The following NME7 variants were observed in gnomAD, a reference collection of about 807,000 sequenced individuals.
NME7 encodes the protein NME/NM23 family member 7.
NME7 carries 41 observed loss-of-function variants against 49.1 expected under a neutral mutation model. The ratio of observed to expected loss-of-function variants is 0.83; its 90% confidence interval spans 0.65 to 1.08. NME7 has a LOEUF of 1.08. NME7 is among the 50% of genes least tolerant of loss of function. The pLI, the probability that NME7 is intolerant of heterozygous loss-of-function variation, is 0.00. For missense variants in NME7, 423 were observed against 463.4 expected (o/e 0.91, Z 0.80); for synonymous variants, 139 against 150.6 (o/e 0.92, Z 0.56).
chr1:169,351,746 C>A (rs1653181568), intron 1 of NME7, among the ~76,000 whole-genome samples: 1 of 151,810 alleles, frequency 6.6e-6, no homozygotes, highest in African/African-American at 2.4e-5. Flanking sequence ...GGAAACATTA[C>A]AAATGATACT....
chr1:169,233,493 C>T (rs74967728), intron 9 of NME7, among the ~76,000 whole-genome samples: 9,444 of 152,108 alleles, frequency 0.062, 385 homozygotes, highest in East Asian at 0.12. Context: ...GTCATGTAAA[C>T]CATTTTCATG....
intron 10 of NME7, among the ~76,000 whole-genome samples, chr1:169,193,970 T>TAAAAAGA (rs556759127): frequency 6.6e-6 from 1 of 151,478 alleles, no homozygotes; most frequent in Non-Finnish European, 1.5e-5. Context: ...AGAATAGTTT[T>TAAAAAGA]AAAAAGAAAA....
rs61806962 is a variant in NME7 at position 169,321,984 on chromosome 1, T to C, written c.278+1133A>G. 6.3e-3 allele frequency among the ~76,000 whole-genome samples: 960 copies of C among 152,184 alleles called. 5 individuals are homozygous for C. Among genetic ancestry groups the C allele is most frequent in the Non-Finnish European group, 0.011 (731 of 67,992 alleles). On this transcript the variant is annotated intron_variant, in intron 3 of 11. Transcript: ENST00000367811. ...CATACAAAGTATAAGCTACAGAAAT[T>C]AAAGCCAAGAAAGATGACAAAGGAA...
intron 7 of NME7, among the ~76,000 whole-genome samples, chr1:169,257,807 G>A (rs1416685930): frequency 7.5e-6 from 1 of 133,316 alleles, no homozygotes; most frequent in East Asian, 2.0e-4. Context: ...TTTTGTTCTG[G>A]ATACAAAATT....
intron 7 of NME7, among the ~76,000 whole-genome samples, chr1:169,241,004 A>T (rs991404178): frequency 2.6e-5 from 4 of 152,118 alleles, no homozygotes; most frequent in Non-Finnish European, 5.9e-5. Flanking sequence ...TTTGTCTGTC[A>T]GTCATTCTTT....
chr1:169,159,388 C>A lies in NME7; in HGVS notation c.1098+10059G>T, dbSNP rs114413670. On this transcript the variant is annotated intron_variant, in intron 11 of 11. Coordinates refer to ENST00000367811, the MANE Select transcript of NME7 (RefSeq NM_013330.5). ...TACCTTCAGATCTCAAATTATGGGG[C>A]GGAAAAATAAAAGTTCTCATTTTTA... is the stretch of plus-strand genomic sequence containing the variant. 2.0e-5 allele frequency among the ~76,000 whole-genome samples: 3 copies of A among 152,056 alleles called. 1 individual carries two copies. In the South Asian group the frequency reaches 6.3e-4, roughly 32 times the overall value.
At chr1:169,138,784 C>T (rs777523593) in intron 11 of NME7, among the ~76,000 whole-genome samples, 1 of 152,188 alleles carries the variant, frequency 6.6e-6, no homozygotes, top group South Asian at 2.1e-4. Flanking sequence ...CTTGATTCCT[C>T]TGACTGCCAC....
intron 1 of NME7, among the ~76,000 whole-genome samples, chr1:169,362,664 G>A (rs1653702221): frequency 6.6e-6 from 1 of 152,188 alleles, no homozygotes; most frequent in African/African-American, 2.4e-5. Flanking sequence ...TGCTTATTGA[G>A]AGGCCATAAT....
At chr1:169,165,919 G>A (rs905712812) in intron 11 of NME7, among the ~76,000 whole-genome samples, 16 of 152,168 alleles carry the variant, frequency 1.1e-4, no homozygotes, top group African/African-American at 3.9e-4. Context: ...GGAAGCTACT[G>A]ATGCTCTAAC....
intron 11 of NME7, among the ~76,000 whole-genome samples, chr1:169,161,091 C>T (rs1571253754): frequency 6.6e-6 from 1 of 152,172 alleles, no homozygotes; most frequent in Non-Finnish European, 1.5e-5. Flanking sequence ...TATCATTGTG[C>T]TATTCCCCTG....
chr1:169,158,393 A>T (rs1466138771), intron 11 of NME7, among the ~76,000 whole-genome samples: 1 of 152,212 alleles, frequency 6.6e-6, no homozygotes, highest in Non-Finnish European at 1.5e-5. Context: ...AATTTTTGCA[A>T]CCCTGCTCTT....
intron 7 of NME7, among the ~76,000 whole-genome samples, chr1:169,243,482 G>A (rs1190826214): frequency 6.6e-6 from 1 of 152,188 alleles, no homozygotes; most frequent in Non-Finnish European, 1.5e-5. Flanking sequence ...GCTATGGACT[G>A]AATATTTGTG....
At chr1:169,172,495 C>CA (rs1410583816) in intron 10 of NME7, among the ~76,000 whole-genome samples, 26 of 152,168 alleles carry the variant, frequency 1.7e-4, no homozygotes, top group African/African-American at 6.3e-4. Context: ...ATATGGTCTT[C>CA]TGCCATCTTC....
intron 10 of NME7, among the ~76,000 whole-genome samples, chr1:169,210,595 C>A (rs1660783473): frequency 6.6e-6 from 1 of 151,618 alleles, no homozygotes; most frequent in Admixed American, 6.6e-5. Flanking sequence ...TTTAAATACA[C>A]ACACACACAC....
intron 10 of NME7, among the ~76,000 whole-genome samples, chr1:169,228,160 T>A (rs564307083): frequency 1.6e-4 from 24 of 152,118 alleles, no homozygotes; most frequent in Non-Finnish European, 1.5e-5. Context: ...CTTCCTGCCT[T>A]ATCCTCCCAA....
chr1:169,306,046 T>C (rs1257258443), intron 4 of NME7, among the ~76,000 whole-genome samples: 1 of 152,160 alleles, frequency 6.6e-6, no homozygotes, highest in Non-Finnish European at 1.5e-5. Flanking sequence ...TGAATAGGAA[T>C]GGATGAGACA....
At chr1:169,289,596 A>T (rs1466795163) in intron 6 of NME7, among the ~76,000 whole-genome samples, 1 of 152,066 alleles carries the variant, frequency 6.6e-6, no homozygotes, top group Non-Finnish European at 1.5e-5. Context: ...AGCAGTGATA[A>T]ATTGTTCTGT....
chr1:169,327,749 G>A (rs1207627044), intron 1 of NME7, among the ~76,000 whole-genome samples: 2 of 152,128 alleles, frequency 1.3e-5, no homozygotes, highest in African/African-American at 4.8e-5. Context: ...AATTGCAAGT[G>A]AAATTATATT....
At chr1:169,180,492 C>A (rs1659893373) in intron 10 of NME7, among the ~76,000 whole-genome samples, 1 of 152,198 alleles carries the variant, frequency 6.6e-6, no homozygotes, top group East Asian at 1.9e-4. Flanking sequence ...CCACTTGGGG[C>A]AAACTCTCTT....
Sources: gnomAD v4.1 joint callset for allele counts (sites outside exome capture counted in the v4.1 genomes callset) on GRCh38, gnomAD v4.1.1 for gene constraint, MANE v1.5 for transcripts, NCBI Gene and HGNC (gene_info 2026-07-23, HGNC 2026-07-21) for gene names.